The following RAPGEF4 variants were observed in gnomAD, a reference collection of about 807,000 sequenced individuals.
The protein encoded by RAPGEF4 is RAP guanine-nucleotide-exchange factor (GEF) 4.
Under a neutral mutation model 147.9 loss-of-function variants are expected in RAPGEF4, and 66 were observed. The observed-to-expected ratio is 0.45, with a 90% confidence interval of 0.37 to 0.55. The LOEUF is 0.55. RAPGEF4 is among the 20% of genes least tolerant of loss of function. The pLI is 0.00. For missense variants in RAPGEF4, 1,071 were observed against 1,257.3 expected, an observed-to-expected ratio of 0.85 and a Z score of 2.24; for synonymous variants, 419 against 442.7, an observed-to-expected ratio of 0.95 and a Z score of 0.67.
Position 172,967,423 on chromosome 2 carries a change from TG to T in RAPGEF4, c.984del (p.Met328IlefsTer3). The T allele has an allele frequency of 6.2e-7, 1 of 1,611,624 alleles. No individual in the cohort carries two copies. Among genetic ancestry groups the T allele is most frequent in the Non-Finnish European group, 8.5e-7 (1 of 1,179,676 alleles). On this transcript the variant is annotated frameshift_variant, in exon 10 of 31. Transcript: ENST00000397081. LOFTEE classifies it high-confidence loss of function. ...LLSQMGPDAHMRMILRKPPGQ... is the reference protein window; with the variant it reads ...LLSQMGPDAHXRMILRKPPGQ... ...TCACAGATGGGCCCCGACGCCCACA[TG>T]AGGATGATCCTTCGCAAACCGTGAG...
At chr2:172,755,271 AATGACCAAAGAGGAATG>A (rs1695665130) in intron 1 of RAPGEF4, among the ~76,000 whole-genome samples, 1 of 152,256 alleles carries the variant, frequency 6.6e-6, no homozygotes, top group African/African-American at 2.4e-5. Flanking sequence ...GGTAAGATTA[AATGACCAAAGAGGAATG>A]GTTTAGTGAC....
intron 4 of RAPGEF4, among the ~76,000 whole-genome samples, chr2:172,900,287 T>C (rs1186015810): frequency 6.6e-6 from 1 of 152,232 alleles, no homozygotes. Flanking sequence ...TCACCCAGTG[T>C]GGAGTGCAGT....
rs181615502 is a variant in RAPGEF4, at chr2:173,049,168, A to T, written c.2908+514A>T. 1.6e-3 allele frequency among the ~76,000 whole-genome samples: 238 copies of T among 152,338 alleles called. 1 individual carries two copies. The highest frequency in any genetic ancestry group is 5.4e-3 in the African/African-American group (224 of 41,580). ...TTCATATTATATTTCTAGTATTCCC[A>T]CATGAATTTGAGGTGCTCTTTTAAA... is the stretch of plus-strand genomic sequence containing the variant. On this transcript the variant is annotated intron_variant, in intron 30 of 30. Transcript: ENST00000397081.
intron 4 of RAPGEF4, among the ~76,000 whole-genome samples, chr2:172,854,616 T>TTTG (rs946220716): frequency 6.6e-6 from 1 of 152,202 alleles, no homozygotes; most frequent in South Asian, 2.1e-4. Flanking sequence ...TTTTGCTATT[T>TTTG]TTGTTGTTGT....
At chr2:172,756,027 A>G (rs2149453577) in intron 1 of RAPGEF4, among the ~76,000 whole-genome samples, 1 of 152,294 alleles carries the variant, frequency 6.6e-6, no homozygotes, top group South Asian at 2.1e-4. Flanking sequence ...ATGCCTACCC[A>G]TCTCCTGTCA....
chr2:173,030,782 C>T (rs2105975508), intron 26 of RAPGEF4, among the ~76,000 whole-genome samples: 1 of 152,292 alleles, frequency 6.6e-6, no homozygotes, highest in Admixed American at 6.5e-5. Context: ...AGAGGAACAA[C>T]AGTTGGCTAA....
intron 10 of RAPGEF4, among the ~76,000 whole-genome samples, chr2:172,978,500 T>C (rs913908057): frequency 1.3e-5 from 2 of 152,220 alleles, no homozygotes; most frequent in African/African-American, 4.8e-5. Flanking sequence ...GCGTCTGTCT[T>C]AGAGAGCAGG....
chr2:172,910,926 A>G (rs1575208317), intron 4 of RAPGEF4, among the ~76,000 whole-genome samples: 1 of 152,230 alleles, frequency 6.6e-6, no homozygotes, highest in Non-Finnish European at 1.5e-5. Flanking sequence ...GGGGAACTAG[A>G]TGGTCCCTAT....
At chr2:172,918,127 T>C in intron 5 of RAPGEF4, 1 of 642,130 alleles carries the variant, frequency 1.6e-6, no homozygotes, top group Non-Finnish European at 2.8e-6. Context: ...TAGAATACTT[T>C]CCCAAAATAT....
At chr2:172,787,122 G>C (rs1041712274) in intron 1 of RAPGEF4, among the ~76,000 whole-genome samples, 3 of 152,134 alleles carry the variant, frequency 2.0e-5, no homozygotes, top group African/African-American at 4.8e-5. Context: ...TGAGGCAGGA[G>C]AATTGCTTAA....
chr2:172,832,941 C>T (rs530765367), intron 4 of RAPGEF4, among the ~76,000 whole-genome samples: 47 of 152,336 alleles, frequency 3.1e-4, no homozygotes, highest in Middle Eastern at 3.4e-3. Context: ...GCCAGTTGGG[C>T]GCGGTGGCTC....
At chr2:172,787,020 G>T (rs1685276271) in intron 1 of RAPGEF4, among the ~76,000 whole-genome samples, 1 of 152,116 alleles carries the variant, frequency 6.6e-6, no homozygotes, top group Non-Finnish European at 1.5e-5. Flanking sequence ...GACCAGCCTG[G>T]CCAACGTGGT....
intron 1 of RAPGEF4, among the ~76,000 whole-genome samples, chr2:172,771,723 A>G (rs1683637182): frequency 6.6e-6 from 1 of 152,088 alleles, no homozygotes; most frequent in African/African-American, 2.4e-5. Context: ...AGTATTACAG[A>G]TGTACACCAC....
chr2:172,881,397 T>A (rs1371609691), intron 4 of RAPGEF4, among the ~76,000 whole-genome samples: 1 of 152,248 alleles, frequency 6.6e-6, no homozygotes, highest in Non-Finnish European at 1.5e-5. Context: ...ATTGGTTGAA[T>A]TCTTTCCTAT....
At chr2:172,835,849 G>C (rs911318112) in intron 4 of RAPGEF4, among the ~76,000 whole-genome samples, 1 of 152,068 alleles carries the variant, frequency 6.6e-6, no homozygotes, top group Non-Finnish European at 1.5e-5. Context: ...CAGTGGCAAG[G>C]GAAGATTGAG....
intron 4 of RAPGEF4, among the ~76,000 whole-genome samples, chr2:172,916,829 T>A (rs1023550463): frequency 6.6e-6 from 1 of 152,206 alleles, no homozygotes; most frequent in Non-Finnish European, 1.5e-5. Flanking sequence ...TTGCTACAGA[T>A]GAAGTCTTTT....
chr2:172,958,899 CTT>C lies in RAPGEF4; in HGVS notation c.538-1860_538-1859del, dbSNP rs1236923738. ...ATCAAAAGCATCAACCCACTTGAAA[CTT>C]ATTGTTAATTTAAAAAGGTATATAT... On this transcript the variant is annotated intron_variant, in intron 6 of 30. Coordinates refer to ENST00000397081, the MANE Select transcript of RAPGEF4 (RefSeq NM_007023.4). 5.3e-5 allele frequency among the ~76,000 whole-genome samples: 8 copies of C among 152,258 alleles called. No homozygotes were observed. In the East Asian group the frequency reaches 1.5e-3, roughly 29 times the overall value.
chr2:172,879,357 G>T (rs1696339885), intron 4 of RAPGEF4, among the ~76,000 whole-genome samples: 1 of 152,012 alleles, frequency 6.6e-6, no homozygotes, highest in Admixed American at 6.6e-5. Flanking sequence ...TAAACCTAAA[G>T]CCATAGCTTT....
chr2:172,827,275 G>A (rs1689772882), intron 4 of RAPGEF4, among the ~76,000 whole-genome samples: 1 of 152,110 alleles, frequency 6.6e-6, no homozygotes, highest in Non-Finnish European at 1.5e-5. Flanking sequence ...TTTTAGCACA[G>A]TTGGGAATCC....
Sources: allele counts gnomAD v4.1 joint callset (sites outside exome capture counted in the v4.1 genomes callset), GRCh38; gene constraint gnomAD v4.1.1; transcripts MANE v1.5; gene names NCBI Gene and HGNC (gene_info 2026-07-23, HGNC 2026-07-21).